The following ANKFN1 variants were observed in gnomAD, a reference collection of about 807,000 sequenced individuals.
ANKFN1 encodes the protein ankyrin repeat and fibronectin type-III domain-containing protein 1.
ANKFN1 carries 74 observed loss-of-function variants against 108.7 expected under a neutral mutation model. The ratio of observed to expected loss-of-function variants is 0.68; its 90% CI spans 0.56 to 0.83. ANKFN1 has a LOEUF of 0.83. Ranked by LOEUF, ANKFN1 falls within the 40% of genes least tolerant of loss-of-function variation. The pLI is 0.00. For missense variants in ANKFN1, 1,505 were observed against 1,382.3 expected (o/e 1.09, Z -1.41); for synonymous variants, 547 against 516.2 (o/e 1.06, Z -0.81).
At chr17:56,144,758 A>G (rs189788579) in intron 4 of ANKFN1, among the ~76,000 whole-genome samples, 3 of 152,276 alleles carry the variant, frequency 2.0e-5, no homozygotes, top group Admixed American at 6.5e-5. Flanking sequence ...AAGAAAAAGA[A>G]ATTGCAGATG....
intron 4 of ANKFN1, among the ~76,000 whole-genome samples, chr17:56,067,092 G>A (rs1369820805): frequency 1.3e-5 from 2 of 152,130 alleles, no homozygotes; most frequent in Admixed American, 1.3e-4. Context: ...AGGAGGCTGA[G>A]GCAGGAGAAT....
At chr17:56,410,736 A>G (rs749166554) in intron 8 of ANKFN1, among the ~76,000 whole-genome samples, 9 of 152,112 alleles carry the variant, frequency 5.9e-5, no homozygotes, top group Non-Finnish European at 1.0e-4. Flanking sequence ...ACCTCTGGTA[A>G]CCACCTTTCT....
At chr17:56,410,141 A>G (rs985563715) in intron 8 of ANKFN1, among the ~76,000 whole-genome samples, 1 of 152,164 alleles carries the variant, frequency 6.6e-6, no homozygotes, top group African/African-American at 2.4e-5. Context: ...GCTGGAGTGC[A>G]GTGGCGCTAT....
At chr17:56,442,524 T>C (rs972062773) in intron 9 of ANKFN1, among the ~76,000 whole-genome samples, 6 of 152,210 alleles carry the variant, frequency 3.9e-5, no homozygotes, top group Non-Finnish European at 5.9e-5. Context: ...ACTATGTGAC[T>C]TTTAAAAATT....
intron 1 of ANKFN1, among the ~76,000 whole-genome samples, chr17:56,183,382 T>C (rs574596755): frequency 6.6e-6 from 1 of 152,230 alleles, no homozygotes; most frequent in Non-Finnish European, 1.5e-5. Context: ...TGGATGTTTG[T>C]CCCCTCCAAA....
chr17:56,197,923 G>C (rs1913668953), intron 1 of ANKFN1, among the ~76,000 whole-genome samples: 2 of 152,126 alleles, frequency 1.3e-5, no homozygotes, highest in African/African-American at 4.8e-5. Flanking sequence ...GGTGGGAAGA[G>C]TGGTCGAGCC....
At chr17:56,127,442 T>C (rs1314004564) in intron 4 of ANKFN1, among the ~76,000 whole-genome samples, 1 of 152,142 alleles carries the variant, frequency 6.6e-6, no homozygotes, top group African/African-American at 2.4e-5. Flanking sequence ...GCCTACTGAG[T>C]AGCTGGGATT....
chr17:56,487,871 A>G (rs1419229345), intron 18 of ANKFN1, among the ~76,000 whole-genome samples: 1 of 152,238 alleles, frequency 6.6e-6, no homozygotes, highest in Non-Finnish European at 1.5e-5. Context: ...AAACATTTTA[A>G]GCAGAAGGGA....
At chr17:56,238,704 A>G (rs1388130186) in intron 3 of ANKFN1, among the ~76,000 whole-genome samples, 4 of 152,196 alleles carry the variant, frequency 2.6e-5, no homozygotes, top group Non-Finnish European at 5.9e-5. Flanking sequence ...TCATGAAGAC[A>G]GCATACCATG....
chr17:56,190,128 G>T (rs1458339094), intron 1 of ANKFN1, among the ~76,000 whole-genome samples: 1 of 134,260 alleles, frequency 7.4e-6, no homozygotes, highest in East Asian at 2.4e-4. Context: ...CTTGCTAGCG[G>T]TCTATCAATT....
At chr17:56,152,747 T>G (rs551223164), upstream of ANKFN1, among the ~76,000 whole-genome samples, 167 of 152,310 alleles carry the variant, frequency 1.1e-3, no homozygotes, top group Non-Finnish European at 1.5e-3. Context: ...TCCAAACCAC[T>G]GCTCAACATA....
chr17:56,368,351 C>G, intron 6 of ANKFN1: 1 of 236,754 alleles, frequency 4.2e-6, no homozygotes. Context: ...GCGATCTTGG[C>G]TCACTGCAAC....
intron 8 of ANKFN1, among the ~76,000 whole-genome samples, chr17:56,395,774 G>A (rs1055525447): frequency 3.9e-5 from 6 of 152,024 alleles, no homozygotes; most frequent in South Asian, 2.1e-4. Flanking sequence ...ACTTGAACCC[G>A]GAAGGTGGAG....
At chr17:56,493,174 T>G (rs2051095041) in intron 19 of ANKFN1, among the ~76,000 whole-genome samples, 1 of 152,150 alleles carries the variant, frequency 6.6e-6, no homozygotes, top group South Asian at 2.1e-4. Flanking sequence ...TTAAGGAGTT[T>G]CAAATCCATC....
chr17:56,368,130 C>G (rs1200460460), intron 6 of ANKFN1: 1 of 1,275,858 alleles, frequency 7.8e-7, no homozygotes, highest in Non-Finnish European at 1.1e-6. Context: ...TGAGCCTGAT[C>G]ACTATAAATA....
rs138829769 is a variant in ANKFN1 at position 56,271,970 on chromosome 17, A to G, written c.53+44013A>G. On this transcript the variant is annotated intron_variant, in intron 3 of 20. Transcript: ENST00000682825. ...AGATCTGATATAAAAAGGGTACCCAATAAATAGTAGCTGTTGTTACTGGAG... is the reference window on the plus strand; with the variant it reads ...AGATCTGATATAAAAAGGGTACCCAGTAAATAGTAGCTGTTGTTACTGGAG... Among the ~76,000 whole-genome samples, 90 of 152,326 alleles carry G rather than the reference A, an allele frequency of 5.9e-4. 1 individual carries two copies. The highest frequency in any genetic ancestry group is 5.4e-3 in the East Asian group (28 of 5,188).
chr17:56,328,293 A>G (rs2144548364), intron 4 of ANKFN1, among the ~76,000 whole-genome samples: 1 of 152,282 alleles, frequency 6.6e-6, no homozygotes, highest in East Asian at 1.9e-4. Flanking sequence ...GCAGCTGCAA[A>G]TGTACTATGA....
intron 4 of ANKFN1, among the ~76,000 whole-genome samples, chr17:56,054,418 C>A (rs1904829910): frequency 6.6e-6 from 1 of 152,130 alleles, no homozygotes; most frequent in Non-Finnish European, 1.5e-5. Flanking sequence ...ACCCTGATGC[C>A]TGTTACAGGC....
intron 8 of ANKFN1, among the ~76,000 whole-genome samples, chr17:56,389,174 G>T (rs2047360642): frequency 6.6e-6 from 1 of 152,108 alleles, no homozygotes; most frequent in Admixed American, 6.6e-5. Context: ...TCCTTAAATT[G>T]GTGAATGGTT....
Sources: allele counts gnomAD v4.1 joint callset (sites outside exome capture counted in the v4.1 genomes callset), GRCh38; gene constraint gnomAD v4.1.1; transcripts MANE v1.5; gene names NCBI Gene and HGNC (gene_info 2026-07-23, HGNC 2026-07-21).